Variants in NEO1 observed in about 807,000 individuals in gnomAD.
NEO1 encodes neogenin.
Under a neutral mutation model 159.7 loss-of-function variants are expected in NEO1, and 63 were observed. That is an observed-to-expected ratio of 0.39 (90% confidence interval 0.32 to 0.49). The LOEUF (loss-of-function observed/expected upper bound fraction) is 0.49. NEO1 is among the 20% of genes least tolerant of loss of function. The pLI is 0.85. For missense variants in NEO1, 1,615 were observed against 1,831.0 expected (o/e 0.88, Z 2.15); for synonymous variants, 633 against 662.0 (o/e 0.96, Z 0.67).
At chr15:73,301,480 C>T (rs1315191397) in intron 28 of NEO1, 23 bp downstream of exon 28, 1 of 1,613,868 alleles carries the variant, frequency 6.2e-7, no homozygotes, top group Non-Finnish European at 8.5e-7. Flanking sequence ...GGCCATCAGT[C>T]CAGCCAGATT....
chr15:73,156,132 A>G (rs2033754058), intron 5 of NEO1, among the ~76,000 whole-genome samples: 1 of 152,122 alleles, frequency 6.6e-6, no homozygotes, highest in Non-Finnish European at 1.5e-5. Context: ...TTTATTGAAG[A>G]TATGTCTATA....
intron 7 of NEO1, among the ~76,000 whole-genome samples, chr15:73,187,476 A>G (rs59177148): frequency 1.8e-4 from 27 of 152,324 alleles, no homozygotes; most frequent in African/African-American, 6.5e-4. Context: ...ACTTAGAATC[A>G]CAAACTATCA....
At chr15:73,179,229 A>T (rs1338954214) in intron 7 of NEO1, among the ~76,000 whole-genome samples, 2 of 152,178 alleles carry the variant, frequency 1.3e-5, no homozygotes, top group Admixed American at 6.5e-5. Flanking sequence ...AGTAAAGAGA[A>T]CTCTAGACAA....
At chr15:73,232,634 A>C (rs2038970311) in intron 7 of NEO1, among the ~76,000 whole-genome samples, 1 of 152,086 alleles carries the variant, frequency 6.6e-6, no homozygotes, top group African/African-American at 2.4e-5. Context: ...CAGTCAACCT[A>C]GGATATGTGC....
chr15:73,292,969 T>C (rs2042214495), intron 25 of NEO1, among the ~76,000 whole-genome samples: 1 of 152,178 alleles, frequency 6.6e-6, no homozygotes, highest in South Asian at 2.1e-4. Flanking sequence ...CAGGACAAAA[T>C]AGAAAATTTA....
intron 7 of NEO1, among the ~76,000 whole-genome samples, chr15:73,214,612 A>C (rs138867191): frequency 6.6e-6 from 1 of 152,116 alleles, no homozygotes; most frequent in Non-Finnish European, 1.5e-5. Context: ...CAGGTTCTCT[A>C]TTCTGTTCCA....
At chr15:73,237,416 A>T (rs766464263) in intron 8 of NEO1, among the ~76,000 whole-genome samples, 3 of 152,242 alleles carry the variant, frequency 2.0e-5, no homozygotes, top group Non-Finnish European at 2.9e-5. Flanking sequence ...ACCATGCCAC[A>T]TGCTGACTGT....
chr15:73,194,408 G>A (rs753216313), intron 7 of NEO1, among the ~76,000 whole-genome samples: 1 of 152,156 alleles, frequency 6.6e-6, no homozygotes, highest in East Asian at 1.9e-4. Flanking sequence ...GGTTCTGCAG[G>A]CTGTACAAGA....
intron 7 of NEO1, among the ~76,000 whole-genome samples, chr15:73,213,581 A>C (rs2037704377): frequency 6.6e-6 from 1 of 152,196 alleles, no homozygotes; most frequent in African/African-American, 2.4e-5. Flanking sequence ...CATCCAGGTC[A>C]CTGCAAATGC....
Position 73,303,340 on chromosome 15 carries a change from CTTTTTTTATTA to C in NEO1, c.*657_*667del, listed in dbSNP as rs918579376. On this transcript the variant is annotated 3_prime_UTR_variant, in exon 29 of 29. Transcript: ENST00000261908. ...GAAATGTTGCATTGCTGTTTGTAAG[CTTTTTTTATTA>C]TTTTTTTATTATAATTATTAAAGGC... The C allele has an allele frequency of 6.6e-6, 1 of 152,384 alleles. No homozygotes were observed. The highest frequency in any genetic ancestry group is 1.5e-5 in the Non-Finnish European group (1 of 67,992). 9.4% of individuals were successfully genotyped at this position (152,384 alleles called of 1,614,324 possible).
At chr15:73,054,900 T>A (rs1006190878) in intron 1 of NEO1, among the ~76,000 whole-genome samples, 1 of 152,206 alleles carries the variant, frequency 6.6e-6, no homozygotes, top group African/African-American at 2.4e-5. Context: ...TTTTTATTTT[T>A]GTAGAGTGAT....
Position 73,244,520 on chromosome 15 carries a change from C to T in NEO1, c.1606+22C>T, listed in dbSNP as rs748212562. On this transcript the variant is annotated intron_variant, in intron 9 of 28. Transcript: ENST00000261908. ...GAGGGTAAGTCTTCCACCTGTCTGT[C>T]AGCACCCCCTAGAGGTAGACCTCTC... The T allele has an allele frequency of 1.2e-5, 20 of 1,610,620 alleles. No individual in the cohort carries two copies. In the Middle Eastern group the frequency reaches 6.6e-4, roughly 53 times the overall value.
At chr15:73,165,162 A>G (rs2034485868) in intron 5 of NEO1, among the ~76,000 whole-genome samples, 7 of 134,078 alleles carry the variant, frequency 5.2e-5, no homozygotes. Flanking sequence ...TCTGTATTTT[A>G]AAAACAAGTT....
chr15:73,069,284 A>G (rs910799356), intron 1 of NEO1, among the ~76,000 whole-genome samples: 15 of 151,842 alleles, frequency 9.9e-5, no homozygotes, highest in African/African-American at 3.6e-4. Context: ...TTTTTATTCA[A>G]CAGACATTTT....
At chr15:73,198,942 C>A (rs1477043154) in intron 7 of NEO1, among the ~76,000 whole-genome samples, 1 of 151,204 alleles carries the variant, frequency 6.6e-6, no homozygotes, top group Admixed American at 6.6e-5. Flanking sequence ...AAATTTGTCA[C>A]AAATAACCAA....
At chr15:73,122,063 G>GTATA (rs200219694) in intron 2 of NEO1, among the ~76,000 whole-genome samples, 3,287 of 125,896 alleles carry the variant, frequency 0.026, 51 homozygotes, top group Middle Eastern at 0.049. Context: ...GTGTGTGTGT[G>GTATA]TATATATATA....
chr15:73,228,351 C>T (rs2038709662), intron 7 of NEO1, among the ~76,000 whole-genome samples: 1 of 150,988 alleles, frequency 6.6e-6, no homozygotes, highest in African/African-American at 2.4e-5. Flanking sequence ...TTTTCATGTG[C>T]TTATTCTATG....
intron 3 of NEO1, among the ~76,000 whole-genome samples, chr15:73,125,101 G>A (rs2030007330): frequency 2.0e-5 from 3 of 152,144 alleles, no homozygotes; most frequent in Admixed American, 2.0e-4. Context: ...AGTGTCAAAA[G>A]GTGAGATCAC....
At chr15:73,260,101 TC>T in intron 14 of NEO1, among the ~76,000 whole-genome samples, 169 bp from the exon 15 acceptor site, 1 of 149,864 alleles carries the variant, frequency 6.7e-6, no homozygotes, top group African/African-American at 2.5e-5. Flanking sequence ...TGCAGTAAAA[TC>T]ATGGGCTGTA....
Sources: gnomAD v4.1 joint callset for allele counts (sites outside exome capture counted in the v4.1 genomes callset) on GRCh38, gnomAD v4.1.1 for gene constraint, MANE v1.5 for transcripts, NCBI Gene and HGNC (gene_info 2026-07-23, HGNC 2026-07-21) for gene names.